Variants in FAM117B observed in about 807,000 individuals in gnomAD.
The protein encoded by FAM117B is protein FAM117B.
A neutral mutation model predicts 52.8 loss-of-function variants in FAM117B; 22 were observed. The ratio of observed to expected loss-of-function variants is 0.42; its 90% CI spans 0.30 to 0.59. The LOEUF (loss-of-function observed/expected upper bound fraction) is 0.59, where lower values mean the gene tolerates loss of function less well. Ranked by LOEUF, FAM117B falls within the 20% of genes least tolerant of loss-of-function variation. The pLI, the probability that FAM117B is intolerant of heterozygous loss-of-function variation, is 0.22. For synonymous variants in FAM117B, 309 were observed against 324.1 expected (o/e 0.95, Z 0.50); for missense variants, 678 against 802.6 (o/e 0.84, Z 1.88).
Position 202,635,052 on chromosome 2 carries a change from C to T in FAM117B, c.-136C>T. The stretch of plus-strand genomic sequence containing the variant: ...TCGTTGCTGCCTGCCCCGGCCCGGT[C>T]TCCCCCTGCACCCCGGAGTCCGGCT... On this transcript the variant is annotated 5_prime_UTR_variant, in exon 1 of 8. Transcript: ENST00000392238. The T allele has an allele frequency of 1.7e-6, 2 of 1,181,916 alleles. No individual in the cohort carries two copies. The highest frequency in any genetic ancestry group is 2.1e-6 in the Non-Finnish European group (2 of 935,198). The allele number at this position is 1,181,916 out of a possible 1,614,324, so 73.2% of individuals were successfully genotyped here. A position where few individuals can be genotyped will look rare whatever the true frequency, so the allele number is the denominator to read the frequency against.
chr2:202,638,703 T>G (rs1170089169), intron 1 of FAM117B, among the ~76,000 whole-genome samples: 1 of 152,210 alleles, frequency 6.6e-6, no homozygotes, highest in Non-Finnish European at 1.5e-5. Flanking sequence ...GCGCGGTGGC[T>G]CACAGGGGTA....
chr2:202,690,507 C>A (rs1690604059), intron 1 of FAM117B, among the ~76,000 whole-genome samples: 1 of 152,116 alleles, frequency 6.6e-6, no homozygotes, highest in South Asian at 2.1e-4. Flanking sequence ...CAGTCAGGAA[C>A]CTTTCCAGTG....
chr2:202,724,206 C>T (rs909199340), intron 2 of FAM117B, among the ~76,000 whole-genome samples: 4 of 151,850 alleles, frequency 2.6e-5, no homozygotes, highest in Middle Eastern at 3.4e-3. Context: ...TACAAGCACA[C>T]GCTAATTTTT....
chr2:202,725,197 A>G (rs1185290978), intron 3 of FAM117B, 188 bp downstream of exon 3: 15 of 414,024 alleles, frequency 3.6e-5, no homozygotes, highest in South Asian at 1.2e-4. Flanking sequence ...TTTATATATC[A>G]CTTACCTGAT....
intron 4 of FAM117B, among the ~76,000 whole-genome samples, chr2:202,744,502 T>C (rs956048881): frequency 6.6e-6 from 1 of 152,118 alleles, no homozygotes; most frequent in Non-Finnish European, 1.5e-5. Context: ...GTGCATCAGA[T>C]TTCAACATGA....
At chr2:202,680,006 T>C (rs1236218191) in intron 1 of FAM117B, among the ~76,000 whole-genome samples, 2 of 152,096 alleles carry the variant, frequency 1.3e-5, no homozygotes. Context: ...AAATGAAATA[T>C]ATTGAAAAGA....
chr2:202,700,761 G>A (rs114228281), intron 2 of FAM117B, among the ~76,000 whole-genome samples: 2,389 of 150,550 alleles, frequency 0.016, 64 homozygotes, highest in African/African-American at 0.055. Context: ...GTCATAGCTC[G>A]GTACAACCTT....
intron 1 of FAM117B, among the ~76,000 whole-genome samples, chr2:202,640,151 A>G (rs1269960567): frequency 6.6e-6 from 1 of 150,758 alleles, no homozygotes; most frequent in Non-Finnish European, 1.5e-5. Flanking sequence ...GGCGCCTATA[A>G]TCCCAGCTAC....
intron 1 of FAM117B, among the ~76,000 whole-genome samples, chr2:202,660,970 T>G (rs1376494994): frequency 6.6e-6 from 1 of 152,236 alleles, no homozygotes; most frequent in Non-Finnish European, 1.5e-5. Flanking sequence ...GCCTTCATCC[T>G]GCAGGGCCCT....
chr2:202,634,988 A>T lies in FAM117B; in HGVS notation c.-200A>T, dbSNP rs931894497. Among the ~76,000 whole-genome samples, 2 of 142,762 alleles carry T rather than the reference A, an allele frequency of 1.4e-5. No homozygotes were observed. Among genetic ancestry groups the T allele is most frequent in the Non-Finnish European group, 3.1e-5 (2 of 65,568 alleles). 93.7% of individuals were successfully genotyped at this position (142,762 alleles called of 152,430 possible). ...GGCAGCAGAGGAGACACTATTGTTG[A>T]TGAGGAGCGGCGGCGGCGGCGGCGG... On this transcript the variant is annotated 5_prime_UTR_variant, in exon 1 of 8. It removes an upstream start codon present in the reference 5' UTR. Coordinates refer to ENST00000392238, the MANE Select transcript of FAM117B (RefSeq NM_173511.4).
rs2105804379 is a variant in FAM117B at position 202,769,163 on chromosome 2, T to C, written c.*3399T>C. On this transcript the variant is annotated 3_prime_UTR_variant, in exon 8 of 8. Transcript: ENST00000392238. ...GGTGCTCTTGCTAACTGTGGAATAT[T>C]TGACGACATGAAAGTCCTTTTTCTT... The C allele has an allele frequency of 6.6e-6, 1 of 152,328 alleles. No homozygotes were observed. Among genetic ancestry groups the C allele is most frequent in the Non-Finnish European group, 1.5e-5 (1 of 68,026 alleles). The allele number at this position is 152,328 out of a possible 1,614,324, so 9.4% of individuals were successfully genotyped here.
intron 1 of FAM117B, among the ~76,000 whole-genome samples, chr2:202,672,484 G>T (rs774754837): frequency 6.6e-6 from 1 of 152,120 alleles, no homozygotes; most frequent in Non-Finnish European, 1.5e-5. Flanking sequence ...AAAGTGCTGG[G>T]ATTACAGGCA....
At chr2:202,751,771 C>CAAAAAAAAAAAAAAAAAAAAAAAAAAAA in intron 4 of FAM117B, among the ~76,000 whole-genome samples, 1 of 76,220 alleles carries the variant, frequency 1.3e-5, no homozygotes, top group Non-Finnish European at 2.4e-5. Context: ...GACTCCATCT[C>CAAAAAAAAAAAAAAAAAAAAAAAAAAAA]AAAAAAAAAA....
At chr2:202,715,280 G>A (rs1347059436) in intron 2 of FAM117B, among the ~76,000 whole-genome samples, 4 of 151,862 alleles carry the variant, frequency 2.6e-5, no homozygotes, top group Admixed American at 6.5e-5. Flanking sequence ...CCTCCGGGAC[G>A]GGGCGGCTGG....
At chr2:202,710,935 C>T (rs1169016923) in intron 2 of FAM117B, among the ~76,000 whole-genome samples, 3 of 152,112 alleles carry the variant, frequency 2.0e-5, no homozygotes, top group Non-Finnish European at 4.4e-5. Flanking sequence ...GTATGTACCA[C>T]ATTTTCTTTA....
Position 202,732,810 on chromosome 2 carries a change from G to A in FAM117B, c.960+6447G>A, listed in dbSNP as rs548431575. On this transcript the variant is annotated intron_variant, in intron 4 of 7. Transcript: ENST00000392238. ...CACTGCAGCCTGGGCGACAGAGTGA[G>A]ACTCCATCTCAATAAGTAAATAAAT... 4.7e-5 allele frequency among the ~76,000 whole-genome samples: 7 copies of A among 150,146 alleles called. 1 individual carries two copies. In the South Asian group the frequency reaches 1.3e-3, roughly 27 times the overall value.
intron 1 of FAM117B, among the ~76,000 whole-genome samples, chr2:202,643,909 C>T (rs1035158757): frequency 2.6e-5 from 4 of 152,064 alleles, no homozygotes; most frequent in Non-Finnish European, 5.9e-5. Flanking sequence ...AGGGTTTCCC[C>T]GTGTTGGCCA....
At chr2:202,748,201 A>G (rs560754090) in intron 4 of FAM117B, among the ~76,000 whole-genome samples, 1 of 152,342 alleles carries the variant, frequency 6.6e-6, no homozygotes, top group Admixed American at 6.5e-5. Flanking sequence ...GAACATCTTC[A>G]ATAAATAGTG....
chr2:202,763,379 G>A (rs1190990101), intron 7 of FAM117B, among the ~76,000 whole-genome samples: 1 of 152,042 alleles, frequency 6.6e-6, no homozygotes, highest in Non-Finnish European at 1.5e-5. Context: ...GCCTTCTTAA[G>A]TCATTTTTAA....
Sources: gnomAD v4.1 joint callset for allele counts (sites outside exome capture counted in the v4.1 genomes callset) on GRCh38, gnomAD v4.1.1 for gene constraint, MANE v1.5 for transcripts, NCBI Gene and HGNC (gene_info 2026-07-23, HGNC 2026-07-21) for gene names.